Variants in PP2D1 observed in about 807,000 individuals in gnomAD.
PP2D1 encodes protein phosphatase 2C-like domain-containing protein 1.
Under a neutral mutation model 30.2 loss-of-function variants are expected in PP2D1, and 25 were observed. The observed-to-expected ratio is 0.83, with a 90% CI of 0.60 to 1.16. The LOEUF is 1.16. Among genes scored for constraint, PP2D1 ranks in the 50% most tolerant of loss-of-function variants. The pLI is 0.00. For missense variants in PP2D1, 760 were observed against 742.4 expected (o/e 1.02, Z -0.28); for synonymous variants, 260 against 258.9 (o/e 1.00, Z -0.04).
At chr3:19,988,699 G>T (rs919506908) in intron 2 of PP2D1, among the ~76,000 whole-genome samples, 6 of 152,108 alleles carry the variant, frequency 3.9e-5, no homozygotes, top group Non-Finnish European at 7.4e-5. Flanking sequence ...GGAACCTGCT[G>T]ACGTGTGATG....
chr3:19,984,918 A>T (rs994629439), downstream of PP2D1: 6 of 154,494 alleles, frequency 3.9e-5, no homozygotes, highest in African/African-American at 1.4e-4. Flanking sequence ...AAAGTATTGC[A>T]ATATGTTAGT....
chr3:19,994,824 GTCTT>G (rs1334614462), intron 2 of PP2D1, among the ~76,000 whole-genome samples: 2 of 152,148 alleles, frequency 1.3e-5, no homozygotes, highest in African/African-American at 4.8e-5. Context: ...TCTCAAGTGA[GTCTT>G]TCTCAAGTGT....
intron 2 of PP2D1, among the ~76,000 whole-genome samples, chr3:19,990,319 A>AT (rs200900397): frequency 0.012 from 1,820 of 152,114 alleles, 34 homozygotes; most frequent in African/African-American, 0.041. Flanking sequence ...TAATTTCTGC[A>AT]TTTTTTTGTA....
chr3:19,988,132 A>T (rs77731814), intron 2 of PP2D1, among the ~76,000 whole-genome samples: 1 of 152,126 alleles, frequency 6.6e-6, no homozygotes, highest in African/African-American at 2.4e-5. Flanking sequence ...CCTTGAAAAA[A>T]GAGCAGGATA....
rs749208145 is a variant in PP2D1 at position 19,986,201 on chromosome 3, A to G, written c.1091-19T>C. On this transcript the variant is annotated intron_variant, in intron 2 of 2. Coordinates refer to ENST00000389050, the MANE Select transcript of PP2D1 (RefSeq NM_001252657.2). ...ACATTACCTAAAAGATTATTTTTTA[A>G]AAGAAGAAATTTTTATCCTAGAGAT... is the stretch of plus-strand genomic sequence containing the variant. The G allele has an allele frequency of 1.4e-6, 2 of 1,435,658 alleles. No individual in the cohort carries two copies. Among genetic ancestry groups the G allele is most frequent in the Admixed American group, 3.0e-5 (1 of 33,436 alleles). The allele number at this position is 1,435,658 out of a possible 1,614,324, so 88.9% of individuals were successfully genotyped here. A position where few individuals can be genotyped will look rare whatever the true frequency, so the allele number is the denominator to read the frequency against.
At chr3:19,990,653 G>C (rs1052353768) in intron 2 of PP2D1, among the ~76,000 whole-genome samples, 2 of 152,082 alleles carry the variant, frequency 1.3e-5, no homozygotes, top group Admixed American at 1.3e-4. Context: ...TATGCTGTCA[G>C]CTACAAACAG....
chr3:19,987,575 A>G lies in PP2D1; in HGVS notation c.1091-1393T>C, dbSNP rs111568653. On this transcript the variant is annotated intron_variant, in intron 2 of 2. Coordinates refer to ENST00000389050, the MANE Select transcript of PP2D1 (RefSeq NM_001252657.2). ...ATTTAGTTGCTTGCAGGAGGAGTTC[A>G]ATTCTAGGCCCACAGTTTTTTACGT... Among the ~76,000 whole-genome samples the G allele has an allele frequency of 6.5e-3, 982 of 152,234 alleles. 7 individuals carry two copies. Among genetic ancestry groups the G allele is most frequent in the African/African-American group, 0.022 (909 of 41,526 alleles).
intron 2 of PP2D1, among the ~76,000 whole-genome samples, chr3:19,990,474 G>T (rs1697102770): frequency 6.6e-6 from 1 of 151,156 alleles, no homozygotes; most frequent in South Asian, 2.1e-4. Flanking sequence ...TGTATGAATG[G>T]TGCATGAAGG....
chr3:19,984,382 G>T (rs536451350), downstream of PP2D1: 251 of 281,242 alleles, frequency 8.9e-4, no homozygotes, highest in Middle Eastern at 3.0e-3. Context: ...GTGGGGAAGA[G>T]TATTAATGGT....
chr3:19,982,361 A>G (rs998596926), downstream of PP2D1, among the ~76,000 whole-genome samples: 3 of 152,188 alleles, frequency 2.0e-5, no homozygotes, highest in African/African-American at 7.2e-5. Flanking sequence ...ATGCTAAGGT[A>G]TGTTTGTGTG....
At chr3:19,982,161 C>G (rs1696941389), downstream of PP2D1, among the ~76,000 whole-genome samples, 1 of 151,962 alleles carries the variant, frequency 6.6e-6, no homozygotes, top group Admixed American at 6.6e-5. Context: ...TCTTTTGAGC[C>G]CAGGAGTTCA....
rs1697245347 is a variant in PP2D1, at chr3:20,001,142, A to G, written c.978T>C (p.Pro326=). 2 of 1,464,084 alleles carry G rather than the reference A, an allele frequency of 1.4e-6. No homozygotes were observed. Among genetic ancestry groups the G allele is most frequent in the Non-Finnish European group, 9.0e-7 (1 of 1,111,582 alleles). 90.7% of individuals were successfully genotyped at this position (1,464,084 alleles called of 1,614,324 possible). The change falls in exon 2 of 3, where the codon CCT becomes CCC. Residue 326 remains proline (P), a synonymous_variant. Coordinates refer to ENST00000389050, the MANE Select transcript of PP2D1 (RefSeq NM_001252657.2). ...TCILEGKPKS[P]YAHKNWKRKN... The stretch of plus-strand genomic sequence containing the variant: ...TTCTTTTCCAATTCTTATGAGCATA[A>G]GGACTTTTAGGTTTGCCTTCCAATA...
In PP2D1 at chr3:20,012,210, T is replaced by C. The variant is rs1188858730; in HGVS notation, c.-138A>G. 4.4e-6 allele frequency: 3 copies of C among 689,016 alleles called. No individual in the cohort carries two copies. Among genetic ancestry groups the C allele is most frequent in the Admixed American group, 2.5e-5 (1 of 39,644 alleles). The allele number at this position is 689,016 out of a possible 1,614,324, so 42.7% of individuals were successfully genotyped here. On this transcript the variant is annotated 5_prime_UTR_variant, in exon 1 of 3. Coordinates refer to ENST00000389050, the MANE Select transcript of PP2D1 (RefSeq NM_001252657.2). The stretch of plus-strand genomic sequence containing the variant: ...GTGGCAGAAGTAGTGGTGATGGTGA[T>C]GATAGCGATGGTGGGCATTCCCCTC...
rs1485283291 is a variant in PP2D1 at position 20,001,625 on chromosome 3, A to T, written c.495T>A (p.His165Gln). The change falls in exon 2 of 3, where the codon CAT becomes CAA. Residue 165 changes from histidine to glutamine, a missense_variant. Coordinates refer to ENST00000389050, the MANE Select transcript of PP2D1 (RefSeq NM_001252657.2). ...AAATGCCCACTCCTTTAATTAACAG[A>T]TGACATATTTTTTGAGAATATATGA... ...RSVIYSQKIC[H>Q]LLIKGVGICE... The T allele has an allele frequency of 6.5e-7, 1 of 1,536,310 alleles. No homozygotes were observed. The highest frequency in any genetic ancestry group is 1.2e-5 in the South Asian group (1 of 84,056).
At chr3:20,007,598 G>A (rs9838320) in intron 1 of PP2D1, among the ~76,000 whole-genome samples, 1 of 151,856 alleles carries the variant, frequency 6.6e-6, no homozygotes, top group Non-Finnish European at 1.5e-5. Context: ...GAGAAACTCC[G>A]TCTCTGCTAA....
chr3:19,987,987 G>GTCTGTCTTTAATCTCTTAATCCTGTCA (rs1479748208), intron 2 of PP2D1, among the ~76,000 whole-genome samples: 6 of 152,092 alleles, frequency 3.9e-5, no homozygotes, highest in African/African-American at 1.4e-4. Flanking sequence ...AATTTCTTAT[G>GTCTGTCTTTAATCTCTTAATCCTGTCA]TCTGTCTTTA....
chr3:20,000,258 C>T (rs1402344298), intron 2 of PP2D1, among the ~76,000 whole-genome samples: 1 of 152,050 alleles, frequency 6.6e-6, no homozygotes, highest in Non-Finnish European at 1.5e-5. Context: ...TTAGATATCA[C>T]TAGATATCAA....
At position 20,004,023 on chromosome 3, in the gene PP2D1, T is replaced by C. The variant is rs529856723; in HGVS notation, c.24-1927A>G. ...TAGTGTAACCTAAGTGTATTGGGTT[T>C]ATAACATCTGCAGTAGTGTGCAATA... On this transcript the variant is annotated intron_variant, in intron 1 of 2. Transcript: ENST00000389050. Among the ~76,000 whole-genome samples, 37 of 152,332 alleles carry C rather than the reference T, an allele frequency of 2.4e-4. No individual in the cohort carries two copies. In the South Asian group the frequency reaches 7.7e-3, roughly 32 times the overall value.
At chr3:19,993,195 T>A (rs1312999018) in intron 2 of PP2D1, among the ~76,000 whole-genome samples, 1 of 152,106 alleles carries the variant, frequency 6.6e-6, no homozygotes, top group Non-Finnish European at 1.5e-5. Flanking sequence ...TAAAAAGAAT[T>A]ATTAACAAAT....
Sources: gnomAD v4.1 joint callset for allele counts (sites outside exome capture counted in the v4.1 genomes callset) on GRCh38, gnomAD v4.1.1 for gene constraint, MANE v1.5 for transcripts, NCBI Gene and HGNC (gene_info 2026-07-23, HGNC 2026-07-21) for gene names.